Variants in MGST1 observed in about 807,000 individuals in gnomAD.
MGST1 encodes microsomal glutathione S-transferase 1.
In MGST1, 5 loss-of-function variants were observed where a neutral mutation model predicts 8.9. The observed-to-expected ratio is 0.56, with a 90% confidence interval of 0.29 to 1.19. MGST1 has a LOEUF of 1.19. MGST1 is among the 50% of genes most tolerant of loss of function. The pLI is 0.08. For missense variants in MGST1, 182 were observed against 187.4 expected (o/e 0.97, Z 0.17); for synonymous variants, 54 against 67.8 (o/e 0.80, Z 1.00).
intron 4 of MGST1, among the ~76,000 whole-genome samples, chr12:16,520,845 C>G (rs1022403430): frequency 1.6e-4 from 24 of 152,168 alleles, no homozygotes; most frequent in South Asian, 6.2e-4. Context: ...TTGTAAGGAG[C>G]CTGTTTCATT....
intron 4 of MGST1, among the ~76,000 whole-genome samples, chr12:16,505,258 G>C (rs148714607): frequency 7.2e-5 from 11 of 152,112 alleles, no homozygotes; most frequent in African/African-American, 2.2e-4. Flanking sequence ...TAAAAAAAAT[G>C]CCTGTTCAAT....
intron 4 of MGST1, among the ~76,000 whole-genome samples, chr12:16,454,337 A>C (rs141597559): frequency 0.01 from 1,568 of 152,074 alleles, 26 homozygotes; most frequent in African/African-American, 0.036. Context: ...AAAACTCTGG[A>C]TGCTTCTCAA....
At position 16,500,752 on chromosome 12, in the gene MGST1, G is replaced by T. The variant is rs1312906087; in HGVS notation, n.483-88776G>T. 1.3e-5 allele frequency among the ~76,000 whole-genome samples: 2 copies of T among 152,086 alleles called. No individual in the cohort carries two copies. The highest frequency in any genetic ancestry group is 2.9e-5 in the Non-Finnish European group (2 of 68,028). ...ATCTATTAAATATTACTATCATAAGGGCAAAATCTATAGGGAGAAAAATCA... is the reference window on the plus strand; with the variant it reads ...ATCTATTAAATATTACTATCATAAGTGCAAAATCTATAGGGAGAAAAATCA... On this transcript the variant is annotated intron_variant and non_coding_transcript_variant, in intron 4 of 4. Coordinates refer to the MGST1 transcript ENST00000538857. This position sits in a 1 kb window ranked among gnomAD's most constrained non-coding sequence, Gnocchi z 4.3.
intron 1 of MGST1, among the ~76,000 whole-genome samples, chr12:16,415,031 T>G (rs542864232): frequency 6.6e-6 from 1 of 151,674 alleles, no homozygotes; most frequent in Non-Finnish European, 1.5e-5. Flanking sequence ...CCTCAAAAAA[T>G]TTTTTTTTCT....
intron 3 of MGST1, among the ~76,000 whole-genome samples, chr12:16,358,833 T>G (rs1159331215): frequency 7.2e-6 from 1 of 138,266 alleles, no homozygotes; most frequent in South Asian, 2.3e-4. Flanking sequence ...TTCCATGGTG[T>G]ATACGTACCA....
rs1943000174 is a variant in MGST1 at position 16,576,504 on chromosome 12, A to C, written n.483-13024A>C. 6.6e-6 allele frequency among the ~76,000 whole-genome samples: 1 copy of C among 152,224 alleles called. No homozygotes were observed. Among genetic ancestry groups the C allele is most frequent in the African/African-American group, 2.4e-5 (1 of 41,448 alleles). The stretch of plus-strand genomic sequence containing the variant: ...GAAGCCTCTCTGATTTCCTTGAGGC[A>C]GAATAAATAACACACTTCTTTAGAC... On this transcript the variant is annotated intron_variant and non_coding_transcript_variant, in intron 4 of 4. Coordinates refer to the MGST1 transcript ENST00000538857. This position sits in a 1 kb window ranked among gnomAD's most constrained non-coding sequence, Gnocchi z 4.1.
In MGST1 at chr12:16,354,234, C is replaced by A. The variant is rs1222053221; in HGVS notation, c.-19C>A. ...ATTTTATTTAAATCTTTTTAAGATTCCAGACCAAAATTGAAAAAATGGTTG... is the reference window on the plus strand; with the variant it reads ...ATTTTATTTAAATCTTTTTAAGATTACAGACCAAAATTGAAAAAATGGTTG... On this transcript the variant is annotated 5_prime_UTR_variant, in exon 2 of 4. Coordinates refer to ENST00000396210, the MANE Select transcript of MGST1 (RefSeq NM_020300.5). 1 of 1,566,046 alleles carries A rather than the reference C, an allele frequency of 6.4e-7. No individual in the cohort carries two copies. The highest frequency in any genetic ancestry group is 1.4e-5 in the African/African-American group (1 of 72,368).
intron 4 of MGST1, among the ~76,000 whole-genome samples, chr12:16,516,190 T>A (rs1941613904): frequency 6.6e-6 from 1 of 152,176 alleles, no homozygotes; most frequent in Non-Finnish European, 1.5e-5. Context: ...GCATGAGCTG[T>A]AGGTAAGGGC....
Position 16,517,009 on chromosome 12 carries a change from A to AG in MGST1, n.483-72518dup, listed in dbSNP as rs1422357201. On this transcript the variant is annotated intron_variant and non_coding_transcript_variant, in intron 4 of 4. Transcript: ENST00000538857. The surrounding 1 kb of genome is among the most constrained non-coding windows in gnomAD (Gnocchi z 4.2). Reference sequence around the variant, plus strand: ...TTTAGCTCTACATTTTTCTTATCCCAGAGGCTGACAGTTTTCAGTGGCTAC... The same window carrying AG: ...TTTAGCTCTACATTTTTCTTATCCCAGGAGGCTGACAGTTTTCAGTGGCTAC... 5.3e-5 allele frequency among the ~76,000 whole-genome samples: 8 copies of AG among 152,202 alleles called. No homozygotes were observed. The highest frequency in any genetic ancestry group is 7.4e-5 in the Non-Finnish European group (5 of 68,024).
intron 1 of MGST1, among the ~76,000 whole-genome samples, chr12:16,424,941 C>T (rs1940872528): frequency 1.3e-5 from 2 of 152,064 alleles, no homozygotes; most frequent in South Asian, 4.1e-4. Context: ...ATGCACATGC[C>T]AAACAAAGAA....
intron 4 of MGST1, among the ~76,000 whole-genome samples, chr12:16,535,089 G>T (rs1941747397): frequency 6.6e-6 from 1 of 152,138 alleles, no homozygotes; most frequent in Non-Finnish European, 1.5e-5. Context: ...ACCATTTCTG[G>T]TTCTCTTCTT....
chr12:16,545,893 G>C (rs891653586), intron 4 of MGST1, among the ~76,000 whole-genome samples: 1 of 145,076 alleles, frequency 6.9e-6, no homozygotes, highest in Admixed American at 6.6e-5. Context: ...CCAGGAGCTA[G>C]AAAAAATAAT....
chr12:16,365,115 T>C (rs1940161434), downstream of MGST1, among the ~76,000 whole-genome samples: 1 of 152,194 alleles, frequency 6.6e-6, no homozygotes, highest in South Asian at 2.1e-4. Context: ...TCTGTCCATT[T>C]TAAAGGGATC....
At chr12:16,592,984 T>G (rs1349766371), downstream of MGST1, among the ~76,000 whole-genome samples, 2 of 151,802 alleles carry the variant, frequency 1.3e-5, no homozygotes, top group Non-Finnish European at 1.5e-5. Context: ...AGCTTTTCCC[T>G]CTTGTTGCTT....
intron 4 of MGST1, among the ~76,000 whole-genome samples, chr12:16,533,705 T>TA (rs1156732160): frequency 1.4e-5 from 2 of 140,668 alleles, no homozygotes; most frequent in African/African-American, 5.2e-5. Flanking sequence ...TTAAGGCACT[T>TA]ACAGTCTAGT....
intron 4 of MGST1, among the ~76,000 whole-genome samples, chr12:16,570,233 A>T (rs1165759257): frequency 6.6e-6 from 1 of 152,136 alleles, no homozygotes; most frequent in African/African-American, 2.4e-5. Flanking sequence ...CTTTTTATGT[A>T]AGTAATACTT....
intron 1 of MGST1, among the ~76,000 whole-genome samples, chr12:16,420,217 C>A (rs913118001): frequency 6.6e-6 from 1 of 151,964 alleles, no homozygotes; most frequent in Non-Finnish European, 1.5e-5. Flanking sequence ...ATTTTGATAG[C>A]ACAGATCACA....
chr12:16,520,915 T>G lies in MGST1; in HGVS notation n.483-68613T>G, dbSNP rs145770405. Among the ~76,000 whole-genome samples the G allele has an allele frequency of 1.4e-4, 21 of 152,282 alleles. No homozygotes were observed. The East Asian group carries it at 3.9e-3, about 28-fold the overall frequency. On this transcript the variant is annotated intron_variant and non_coding_transcript_variant, in intron 4 of 4. Transcript: ENST00000538857. ...CTTCTTATGGAGGCTGTCATTTCCT[T>G]GGTGAAGGTCACTTTAAATGGTATT...
rs192719477 is a variant in MGST1 at position 16,412,790 on chromosome 12, A to G, written n.779-24598A>G. ...GGCCTCCCCAACCATGTGGAACTGT[A>G]AGTCCATTAAACTTCTTTTTCTTTA... On this transcript the variant is annotated intron_variant and non_coding_transcript_variant, in intron 1 of 1. Coordinates refer to the MGST1 transcript ENST00000359720. 2.9e-3 allele frequency among the ~76,000 whole-genome samples: 446 copies of G among 152,284 alleles called. 2 individuals are homozygous for G. Among genetic ancestry groups the G allele is most frequent in the Admixed American group, 7.1e-3 (109 of 15,288 alleles).
Sources: gnomAD v4.1 joint callset for allele counts (sites outside exome capture counted in the v4.1 genomes callset) on GRCh38, gnomAD v4.1.1 for gene constraint, Gnocchi (gnomAD v3.1) non-coding constraint, MANE v1.5 for transcripts, NCBI Gene and HGNC (gene_info 2026-07-23, HGNC 2026-07-21) for gene names.